SV2B: variants seen among roughly 807,000 people sequenced by gnomAD.
SV2B encodes synaptic vesicle glycoprotein 2B, also known as solute carrier family 22 member B2.
A neutral mutation model predicts 73.9 loss-of-function variants in SV2B; 41 were observed. That is an observed-to-expected ratio of 0.56 (90% CI 0.43 to 0.72). The LOEUF (loss-of-function observed/expected upper bound fraction) is 0.72. SV2B is among the 30% of genes least tolerant of loss of function. SV2B has a pLI of 0.00. For synonymous variants in SV2B, 314 were observed against 314.2 expected, an observed-to-expected ratio of 1.00 and a Z score of 0.01; for missense variants, 764 against 857.8, an observed-to-expected ratio of 0.89 and a Z score of 1.37.
intron 1 of SV2B, among the ~76,000 whole-genome samples, chr15:91,169,285 G>A (rs945893294): frequency 6.6e-5 from 10 of 152,106 alleles, no homozygotes; most frequent in Admixed American, 2.0e-4. Flanking sequence ...TTAGGCTTGT[G>A]CAATAATGTC....
chr15:91,178,795 T>C (rs2044431037), intron 1 of SV2B, among the ~76,000 whole-genome samples: 1 of 147,984 alleles, frequency 6.8e-6, no homozygotes, highest in Non-Finnish European at 1.5e-5. Flanking sequence ...TTTTCTTTAT[T>C]AGTCTTGCTA....
At chr15:91,194,012 GT>G (rs753345125) in intron 1 of SV2B, among the ~76,000 whole-genome samples, 17 of 151,312 alleles carry the variant, frequency 1.1e-4, no homozygotes, top group Non-Finnish European at 2.4e-4. Context: ...TTGTTTGTTT[GT>G]TTGTTTGTTT....
rs1448537397 is a variant in SV2B, at chr15:91,284,289, CAG to C, written c.1708+69_1708+70del. ...GGTGGTGACTTTCAAGTGTATTAAA[CAG>C]GGAAATTTTCCCTTTTATTAAATAA... is the stretch of plus-strand genomic sequence containing the variant. On this transcript the variant is annotated intron_variant, in intron 11 of 12. Coordinates refer to ENST00000394232, the MANE Select transcript of SV2B (RefSeq NM_001323032.3). The surrounding 1 kb of genome is among the most constrained non-coding windows in gnomAD (Gnocchi z 4.5). The C allele has an allele frequency of 5.9e-6, 9 of 1,535,534 alleles. No individual in the cohort carries two copies. Among genetic ancestry groups the C allele is most frequent in the Non-Finnish European group, 8.0e-6 (9 of 1,118,116 alleles).
In SV2B at chr15:91,141,531, C is replaced by G. The variant is rs918254281; in HGVS notation, c.-392+41168C>G. On this transcript the variant is annotated intron_variant, in intron 1 of 12. Coordinates refer to ENST00000394232, the MANE Select transcript of SV2B (RefSeq NM_001323032.3). The surrounding 1 kb of genome is among the most constrained non-coding windows in gnomAD (Gnocchi z 4.6). ...CATCTGTGAGACTTTCAGCGAGTTA[C>G]CAAATTCCAGCGAGCTTTGCTTTGA... Among the ~76,000 whole-genome samples, 1 of 152,124 alleles carries G rather than the reference C, an allele frequency of 6.6e-6. No individual in the cohort carries two copies. Among genetic ancestry groups the G allele is most frequent in the Middle Eastern group, 3.2e-3 (1 of 316 alleles).
chr15:91,148,091 C>T (rs1348304914), intron 1 of SV2B, among the ~76,000 whole-genome samples: 2 of 141,008 alleles, frequency 1.4e-5, no homozygotes, highest in Non-Finnish European at 3.0e-5. Flanking sequence ...AGCAATTCTT[C>T]TGTCTCAGCC....
At chr15:91,230,141 T>C (rs1305237074) in intron 2 of SV2B, among the ~76,000 whole-genome samples, 1 of 151,524 alleles carries the variant, frequency 6.6e-6, no homozygotes, top group Admixed American at 6.6e-5. Context: ...CTTGAGCGGC[T>C]GAGGTGGGAG....
chr15:91,154,428 TAGAC>T (rs1274857800), intron 1 of SV2B, among the ~76,000 whole-genome samples: 2 of 152,170 alleles, frequency 1.3e-5, no homozygotes, highest in African/African-American at 4.8e-5. Context: ...AATGGAATAT[TAGAC>T]AGGCAGATTG....
Position 91,216,731 on chromosome 15 carries a change from A to G in SV2B, c.-391-9142A>G, listed in dbSNP as rs570382929. ...GGTGATCTGCCCGCCTCGGCCTCCC[A>G]AAGTGCTAGCCACTGTACCTGGCAA... On this transcript the variant is annotated intron_variant, in intron 1 of 12. Transcript: ENST00000394232. 2.8e-4 allele frequency among the ~76,000 whole-genome samples: 43 copies of G among 151,428 alleles called. 1 individual carries two copies. In the South Asian group the frequency reaches 4.8e-3, roughly 17 times the overall value.
rs1041606133 is a variant in SV2B, at chr15:91,229,250, C to T, written c.451+2536C>T. ...ACCTCTAGGGTTTGGCGACTGGGTA[C>T]GTCCTACATGTCATCGATCTGCTAG... On this transcript the variant is annotated intron_variant, in intron 2 of 12. Coordinates refer to ENST00000394232, the MANE Select transcript of SV2B (RefSeq NM_001323032.3). This position sits in a 1 kb window ranked among gnomAD's most constrained non-coding sequence, Gnocchi z 4.3. Among the ~76,000 whole-genome samples the T allele has an allele frequency of 6.6e-6, 1 of 151,814 alleles. No individual in the cohort carries two copies.
rs1036352644 is a variant in SV2B at position 91,229,406 on chromosome 15, A to G, written c.451+2692A>G. 2.0e-5 allele frequency among the ~76,000 whole-genome samples: 3 copies of G among 152,162 alleles called. No homozygotes were observed. Among genetic ancestry groups the G allele is most frequent in the African/African-American group, 7.2e-5 (3 of 41,428 alleles). On this transcript the variant is annotated intron_variant, in intron 2 of 12. Coordinates refer to ENST00000394232, the MANE Select transcript of SV2B (RefSeq NM_001323032.3). This position sits in a 1 kb window ranked among gnomAD's most constrained non-coding sequence, Gnocchi z 4.3. ...AGCAACCAGCGCTTGTTGCCCTCTC[A>G]ACAATGATTAGTTCTCGTTACTTTA...
At chr15:91,108,575 G>A (rs1210365876) in intron 1 of SV2B, among the ~76,000 whole-genome samples, 1 of 152,168 alleles carries the variant, frequency 6.6e-6, no homozygotes, top group Non-Finnish European at 1.5e-5. Flanking sequence ...TGTTGGCTGT[G>A]GCTCTCTTGG....
rs1035089567 is a variant in SV2B, at chr15:91,284,859, C to T, written c.1708+638C>T. Among the ~76,000 whole-genome samples, 2 of 152,202 alleles carry T rather than the reference C, an allele frequency of 1.3e-5. No individual in the cohort carries two copies. Among genetic ancestry groups the T allele is most frequent in the Admixed American group, 6.5e-5 (1 of 15,282 alleles). On this transcript the variant is annotated intron_variant, in intron 11 of 12. Transcript: ENST00000394232. The surrounding 1 kb of genome is among the most constrained non-coding windows in gnomAD (Gnocchi z 4.5). Reference sequence around the variant, plus strand: ...GTAGCTATATTCATGTATGCCTTGCCTCATTCCATCGGGACTTGCAGCAAT... The same window carrying T: ...GTAGCTATATTCATGTATGCCTTGCTTCATTCCATCGGGACTTGCAGCAAT...
chr15:91,102,358 G>A (rs1013948222), intron 1 of SV2B: 1 of 152,126 alleles, frequency 6.6e-6, no homozygotes. Flanking sequence ...CCCTCTTTGA[G>A]CATTAGTTTC....
At chr15:91,147,041 A>T (rs2043166776) in intron 1 of SV2B, among the ~76,000 whole-genome samples, 1 of 152,240 alleles carries the variant, frequency 6.6e-6, no homozygotes, top group Non-Finnish European at 1.5e-5. Flanking sequence ...CCATTAGACT[A>T]AGATCCTTGA....
chr15:91,221,693 G>GCGCGCGCGCACACACA (rs370290337), intron 1 of SV2B, among the ~76,000 whole-genome samples: 5,529 of 140,006 alleles, frequency 0.039, 129 homozygotes, highest in Non-Finnish European at 0.05. Flanking sequence ...AAGCATGTGC[G>GCGCGCGCGCACACACA]CACACACACA....
At position 91,283,286 on chromosome 15, in the gene SV2B, T is replaced by G. The variant is rs945785349; in HGVS notation, c.1508-735T>G. On this transcript the variant is annotated intron_variant, in intron 10 of 12. Coordinates refer to ENST00000394232, the MANE Select transcript of SV2B (RefSeq NM_001323032.3). This position sits in a 1 kb window ranked among gnomAD's most constrained non-coding sequence, Gnocchi z 4.3. ...TTTTGGCACAGACTACAGCATGGGC[T>G]CTGGAGTGATCGGCTCCATCTGGAA... Among the ~76,000 whole-genome samples, 3 of 152,204 alleles carry G rather than the reference T, an allele frequency of 2.0e-5. No individual in the cohort carries two copies. Among genetic ancestry groups the G allele is most frequent in the Non-Finnish European group, 4.4e-5 (3 of 68,032 alleles).
chr15:91,163,784 A>G (rs569084568), intron 1 of SV2B, among the ~76,000 whole-genome samples: 2 of 152,240 alleles, frequency 1.3e-5, no homozygotes, highest in South Asian at 2.1e-4. Context: ...CCCATTAGTC[A>G]ATTTTGGCTT....
chr15:91,267,621 G>T lies in SV2B; in HGVS notation c.1186G>T (p.Val396Phe), dbSNP rs1484996008. The T allele has an allele frequency of 7.4e-6, 12 of 1,612,832 alleles. No homozygotes were observed. The highest frequency in any genetic ancestry group is 1.0e-5 in the Non-Finnish European group (12 of 1,179,392). Residue 396 changes from valine (V) to phenylalanine (F), a missense_variant, in exon 8 of 13, where the codon GTT becomes TTT. By Grantham distance (50) the Val-to-Phe change is conservative. Transcript: ENST00000394232. The surrounding 1 kb of genome is among the most constrained non-coding windows in gnomAD (Gnocchi z 4.3). ...YRMNTLILAV[V>F]WFAMAFSYYG... ...AATGAATACACTGATTCTGGCCGTG[G>T]TTTGGTTTGCCATGGCATTCAGGTA...
chr15:91,233,286 C>A (rs1179204915), intron 2 of SV2B, among the ~76,000 whole-genome samples: 1 of 152,120 alleles, frequency 6.6e-6, no homozygotes, highest in Non-Finnish European at 1.5e-5. Flanking sequence ...GTACATGATA[C>A]CTTCAAACAT....
Sources: gnomAD v4.1 joint callset for allele counts (sites outside exome capture counted in the v4.1 genomes callset) on GRCh38, gnomAD v4.1.1 for gene constraint, Gnocchi (gnomAD v3.1) non-coding constraint, MANE v1.5 for transcripts, NCBI Gene and HGNC (gene_info 2026-07-23, HGNC 2026-07-21) for gene names.